CC2D2B: variants seen among roughly 807,000 people sequenced by gnomAD.
CC2D2B encodes coiled-coil and C2 domain containing 2B, also known as protein CC2D2B.
A neutral mutation model predicts 161.2 loss-of-function variants in CC2D2B; 128 were observed. The observed-to-expected ratio is 0.79, with a 90% CI of 0.69 to 0.92. The LOEUF is 0.92. Ranked by LOEUF, CC2D2B falls within the 40% of genes least tolerant of loss-of-function variation. The pLI, the probability that CC2D2B is intolerant of heterozygous loss-of-function variation, is 0.00. For synonymous variants in CC2D2B, 391 were observed against 449.8 expected, an observed-to-expected ratio of 0.87 and a Z score of 1.65; for missense variants, 1,173 against 1,375.1, an observed-to-expected ratio of 0.85 and a Z score of 2.32.
At chr10:95,916,540 T>C (rs1362498988) in intron 2 of CC2D2B, among the ~76,000 whole-genome samples, 1 of 152,136 alleles carries the variant, frequency 6.6e-6, no homozygotes, top group Non-Finnish European at 1.5e-5. Context: ...CACTTATTGC[T>C]GTAAACTTTC....
intron 9 of CC2D2B, among the ~76,000 whole-genome samples, chr10:95,944,871 T>C (rs374337959): frequency 3.9e-5 from 6 of 152,248 alleles, no homozygotes; most frequent in African/African-American, 1.4e-4. Flanking sequence ...TAAAATTCTT[T>C]CTTGCAGCTG....
Position 95,965,953 on chromosome 10 carries a change from G to T in CC2D2B, c.1308G>T (p.Glu436Asp). 8.2e-7 allele frequency: 1 copy of T among 1,219,532 alleles called. No individual in the cohort carries two copies. The highest frequency in any genetic ancestry group is 4.2e-5 in the South Asian group (1 of 24,062). The allele number at this position is 1,219,532 out of a possible 1,614,324, so 75.5% of individuals were successfully genotyped here. Residue 436 changes from glutamate (E) to aspartate (D), a missense_variant, in exon 13 of 35, where the codon GAG becomes GAT. Physicochemically the swap from Glu to Asp is conservative, Grantham distance 45. Around this residue, in one of 3 missense-constraint regions of CC2D2B, gnomAD observed 277 missense variants for 420.6 expected, o/e 0.66. Coordinates refer to ENST00000646931, the MANE Select transcript of CC2D2B (RefSeq NM_001349008.3). ...AAATCTCAGAAATGTCTGAAACTGA[G>T]AAGAAAAATGAAGGAAAAGAACTTA... ...QEQISEMSET[E>D]KKNEGKELKN...
rs903517357 is a variant in CC2D2B at position 96,033,120 on chromosome 10, G to T, written c.*1112G>T. On this transcript the variant is annotated 3_prime_UTR_variant, in exon 35 of 35. Transcript: ENST00000646931. Reference sequence around the variant, plus strand: ...CCAGAGCAGTTTTGTATGAGGTAAAGATAAAAGAACATTCACCTCTCCCAT... The same window carrying T: ...CCAGAGCAGTTTTGTATGAGGTAAATATAAAAGAACATTCACCTCTCCCAT... Among the ~76,000 whole-genome samples the T allele has an allele frequency of 3.3e-5, 5 of 152,194 alleles. No homozygotes were observed. The highest frequency in any genetic ancestry group is 5.9e-5 in the Non-Finnish European group (4 of 68,038).
In CC2D2B at chr10:95,965,884, A is replaced by G. The variant is rs1376244229; in HGVS notation, c.1251-12A>G. On this transcript the variant is annotated splice_polypyrimidine_tract_variant and intron_variant, in intron 12 of 34. Coordinates refer to ENST00000646931, the MANE Select transcript of CC2D2B (RefSeq NM_001349008.3). ...ATTTCTGCTTTCAATAATTCTGTTT[A>G]TTATTAATTAGGATTAAAATGAATA... The G allele has an allele frequency of 9.3e-7, 1 of 1,077,004 alleles. No individual in the cohort carries two copies. The highest frequency in any genetic ancestry group is 1.2e-6 in the Non-Finnish European group (1 of 847,562). 66.7% of individuals were successfully genotyped at this position (1,077,004 alleles called of 1,614,324 possible). A position where few individuals can be genotyped will look rare whatever the true frequency, so the allele number is the denominator to read the frequency against.
chr10:96,018,736 CTT>C (rs34183558), intron 30 of CC2D2B: 9,328 of 143,898 alleles, frequency 0.065, 1,188 homozygotes, highest in East Asian at 0.59. Flanking sequence ...CTTTTTCTTT[CTT>C]TTTTTTTTTT....
chr10:95,952,859 TA>T (rs1172363441), intron 10 of CC2D2B, among the ~76,000 whole-genome samples: 1 of 152,128 alleles, frequency 6.6e-6, no homozygotes, highest in Non-Finnish European at 1.5e-5. Context: ...TTTGAACACA[TA>T]TATGAAAACT....
chr10:95,913,770 A>C (rs910676318), intron 2 of CC2D2B, among the ~76,000 whole-genome samples: 2 of 152,190 alleles, frequency 1.3e-5, no homozygotes, highest in East Asian at 3.8e-4. Flanking sequence ...TCTTCTTTTG[A>C]GAAATATCTA....
intron 30 of CC2D2B, 52 bp from the exon 31 acceptor site, chr10:96,019,151 A>G (rs2079342348): frequency 7.0e-7 from 1 of 1,421,412 alleles, no homozygotes; most frequent in African/African-American, 1.4e-5. Flanking sequence ...TAATTTCCAT[A>G]TATAGAAATT....
In CC2D2B at chr10:96,031,785, ATGTGGGTTTATGTGCTGTTC is replaced by A. The variant is rs749528715; in HGVS notation, c.4126-31_4126-12del. ...AGTAATTCCAGATTACCCAGTTGTA[ATGTGGGTTTATGTGCTGTTC>A]TGTCTTTGATCCAGGTCACGGGATT... is the stretch of plus-strand genomic sequence containing the variant. On this transcript the variant is annotated splice_polypyrimidine_tract_variant and intron_variant, in intron 34 of 34. Coordinates refer to ENST00000646931, the MANE Select transcript of CC2D2B (RefSeq NM_001349008.3). 1 of 1,558,032 alleles carries A rather than the reference ATGTGGGTTTATGTGCTGTTC, an allele frequency of 6.4e-7. No homozygotes were observed. The highest frequency in any genetic ancestry group is 8.8e-7 in the Non-Finnish European group (1 of 1,135,030).
chr10:95,992,676 C>T lies in CC2D2B; in HGVS notation c.2621C>T (p.Thr874Ile). The T allele has an allele frequency of 8.1e-7, 1 of 1,234,156 alleles. No individual in the cohort carries two copies. The highest frequency in any genetic ancestry group is 1.0e-6 in the Non-Finnish European group (1 of 988,026). 76.5% of individuals were successfully genotyped at this position (1,234,156 alleles called of 1,614,324 possible). A position where few individuals can be genotyped will look rare whatever the true frequency, so the allele number is the denominator to read the frequency against. ...ATAGTGAGGGCCTATAATATTCCTA[C>T]CAGAAAAACAACAATTAATGGGTAA... ...VRIVRAYNIP[T>I]RKTTINGSLD... is the part of the protein sequence containing the mutation. The change falls in exon 22 of 35, where the codon ACC becomes ATC. Residue 874 changes from threonine to isoleucine, a missense_variant. Around this residue, in one of 3 missense-constraint regions of CC2D2B, gnomAD observed 598 missense variants for 693.2 expected, o/e 0.86. Coordinates refer to ENST00000646931, the MANE Select transcript of CC2D2B (RefSeq NM_001349008.3).
chr10:96,015,999 A>G (rs776858551), intron 29 of CC2D2B, among the ~76,000 whole-genome samples: 7 of 152,198 alleles, frequency 4.6e-5, no homozygotes, highest in African/African-American at 1.4e-4. Context: ...GGTGGCCCCA[A>G]TGCTCCAAGT....
chr10:95,947,114 T>TATATACATATA (rs1491386108), intron 9 of CC2D2B, among the ~76,000 whole-genome samples: 1 of 23,944 alleles, frequency 4.2e-5, no homozygotes, highest in Non-Finnish European at 6.4e-5. Context: ...TATATATATA[T>TATATACATATA]TTTTTTTTTT....
chr10:96,031,813 G>T lies in CC2D2B; in HGVS notation c.4126-7G>T. The T allele has an allele frequency of 6.2e-7, 1 of 1,611,040 alleles. No individual in the cohort carries two copies. The highest frequency in any genetic ancestry group is 8.5e-7 in the Non-Finnish European group (1 of 1,177,910). The stretch of plus-strand genomic sequence containing the variant: ...TGGGTTTATGTGCTGTTCTGTCTTT[G>T]ATCCAGGTCACGGGATTTCCCATCC... On this transcript the variant is annotated splice_region_variant and splice_polypyrimidine_tract_variant and intron_variant, in intron 34 of 34. Coordinates refer to ENST00000646931, the MANE Select transcript of CC2D2B (RefSeq NM_001349008.3).
In CC2D2B at chr10:95,996,134, G is replaced by T; in HGVS notation, c.2740-9G>T. ...TCAAAATCTAGTCAATGTTTATTAT[G>T]TGTTTCAGGATACTGTACATCCATT... On this transcript the variant is annotated splice_polypyrimidine_tract_variant and intron_variant, in intron 23 of 34. Transcript: ENST00000646931. 1 of 1,307,352 alleles carries T rather than the reference G, an allele frequency of 7.6e-7. No homozygotes were observed. 81.0% of individuals were successfully genotyped at this position (1,307,352 alleles called of 1,614,324 possible).
intron 32 of CC2D2B, 176 bp downstream of exon 32, chr10:96,020,000 G>A: frequency 4.0e-6 from 2 of 504,478 alleles, no homozygotes; most frequent in Non-Finnish European, 6.9e-6. Flanking sequence ...TCCCCTACTT[G>A]CAGAAAAAAT....
intron 5 of CC2D2B, among the ~76,000 whole-genome samples, chr10:95,925,746 G>A (rs1273356133): frequency 6.6e-6 from 1 of 152,162 alleles, no homozygotes; most frequent in African/African-American, 2.4e-5. Context: ...CCAATATGTG[G>A]TTTCCATCCG....
At chr10:95,995,190 A>T in intron 22 of CC2D2B, 79 bp from the exon 23 acceptor site, 2 of 700,174 alleles carry the variant, frequency 2.9e-6, no homozygotes. Context: ...TCATAAGCAC[A>T]GGAAAAACCC....
At chr10:95,962,971 C>G (rs921875085) in intron 12 of CC2D2B, among the ~76,000 whole-genome samples, 1 of 152,088 alleles carries the variant, frequency 6.6e-6, no homozygotes, top group African/African-American at 2.4e-5. Flanking sequence ...AACAATGGCT[C>G]TGGACCCATA....
intron 9 of CC2D2B, among the ~76,000 whole-genome samples, chr10:95,942,760 T>A (rs143024257): frequency 2.6e-5 from 4 of 152,136 alleles, no homozygotes; most frequent in Non-Finnish European, 5.9e-5. Context: ...ACCTTTCTGG[T>A]GTGCTTTGAT....
Sources: allele counts gnomAD v4.1 joint callset (sites outside exome capture counted in the v4.1 genomes callset), GRCh38; gene constraint gnomAD v4.1.1; regional missense constraint gnomAD v4.1.1; transcripts MANE v1.5; gene names NCBI Gene and HGNC (gene_info 2026-07-23, HGNC 2026-07-21).